Variants in EPHA5 observed in about 807,000 individuals in gnomAD.
EPHA5 encodes the protein ephrin type-A receptor 5.
In EPHA5, 60 loss-of-function variants were observed where a neutral mutation model predicts 105.0. The ratio of observed to expected loss-of-function variants is 0.57; its 90% CI spans 0.46 to 0.71. The LOEUF (loss-of-function observed/expected upper bound fraction) is 0.71, where lower values mean the gene tolerates loss of function less well. Ranked by LOEUF, EPHA5 falls within the 30% of genes least tolerant of loss-of-function variation. The probability of loss-of-function intolerance (pLI) is 0.00; values close to 1 mark genes in which losing one functional copy is unlikely to be tolerated. For missense variants in EPHA5, 1,218 were observed against 1,274.7 expected (o/e 0.96, Z 0.68); for synonymous variants, 513 against 449.1 (o/e 1.14, Z -1.80).
chr4:65,539,745 C>T (rs866476912), intron 3 of EPHA5, among the ~76,000 whole-genome samples: 27 of 151,548 alleles, frequency 1.8e-4, no homozygotes, highest in Non-Finnish European at 7.4e-5. Flanking sequence ...TCAGATAATA[C>T]TGCATTATTT....
At chr4:65,584,310 T>C (rs927956482) in intron 3 of EPHA5, among the ~76,000 whole-genome samples, 8 of 151,930 alleles carry the variant, frequency 5.3e-5, no homozygotes, top group African/African-American at 1.9e-4. Context: ...TATATCTTAA[T>C]TGAAAATGCC....
At chr4:65,372,732 A>AAC (rs1718609084) in intron 8 of EPHA5, among the ~76,000 whole-genome samples, 2 of 151,886 alleles carry the variant, frequency 1.3e-5, no homozygotes, top group Non-Finnish European at 2.9e-5. Flanking sequence ...CCCTATGATT[A>AAC]ATGCCATGTG....
intron 3 of EPHA5, among the ~76,000 whole-genome samples, chr4:65,593,338 T>A (rs561655507): frequency 1.3e-5 from 2 of 152,264 alleles, no homozygotes; most frequent in South Asian, 4.1e-4. Flanking sequence ...ATACAAGGGA[T>A]TAAGATAAAT....
chr4:65,635,844 A>C (rs1747073559), intron 2 of EPHA5, among the ~76,000 whole-genome samples: 1 of 152,178 alleles, frequency 6.6e-6, no homozygotes, highest in Non-Finnish European at 1.5e-5. Flanking sequence ...ATACATTTTT[A>C]GGTTGTGTAC....
At chr4:65,339,115 A>G (rs756874231) in intron 14 of EPHA5, among the ~76,000 whole-genome samples, 183 of 152,290 alleles carry the variant, frequency 1.2e-3, no homozygotes, top group Non-Finnish European at 2.2e-3. Flanking sequence ...GTCTGAACAC[A>G]ATACTGCCTC....
At chr4:65,576,030 G>GAA (rs1449669329) in intron 3 of EPHA5, among the ~76,000 whole-genome samples, 3 of 72,120 alleles carry the variant, frequency 4.2e-5, no homozygotes, top group Non-Finnish European at 5.6e-5. Context: ...AAGAAAGAAA[G>GAA]AAAGAAAGAA....
intron 3 of EPHA5, among the ~76,000 whole-genome samples, chr4:65,510,726 C>T (rs1254745453): frequency 6.6e-6 from 1 of 152,140 alleles, no homozygotes; most frequent in Non-Finnish European, 1.5e-5. Context: ...TGTCTGTCCA[C>T]TTCAATCCAA....
At chr4:65,335,638 T>A (rs185346592) in intron 15 of EPHA5, among the ~76,000 whole-genome samples, 1 of 136,350 alleles carries the variant, frequency 7.3e-6, no homozygotes, top group East Asian at 2.2e-4. Context: ...CCAAAATGCA[T>A]GAAAATACAC....
chr4:65,532,679 T>A (rs957321723), intron 3 of EPHA5, among the ~76,000 whole-genome samples: 5 of 151,076 alleles, frequency 3.3e-5, no homozygotes, highest in African/African-American at 1.2e-4. Context: ...CAGTTTTTTT[T>A]TTTTTTTTTG....
At chr4:65,573,560 T>C in intron 3 of EPHA5, 2 of 1,597,570 alleles carry the variant, frequency 1.3e-6, no homozygotes, top group South Asian at 2.2e-5. Flanking sequence ...ACCTCAAAGC[T>C]AAAAAGCCCA....
chr4:65,552,871 A>G (rs775246360), intron 3 of EPHA5, among the ~76,000 whole-genome samples: 2 of 152,114 alleles, frequency 1.3e-5, no homozygotes, highest in Non-Finnish European at 2.9e-5. Context: ...TTTTTTTAGT[A>G]AATAAGCAAT....
chr4:65,341,150 A>G (rs1721678383), intron 14 of EPHA5, among the ~76,000 whole-genome samples: 1 of 152,146 alleles, frequency 6.6e-6, no homozygotes, highest in Non-Finnish European at 1.5e-5. Flanking sequence ...GGCCTAGATT[A>G]GCCTATGGAT....
intron 3 of EPHA5, among the ~76,000 whole-genome samples, chr4:65,501,696 T>G (rs569826537): frequency 6.6e-6 from 1 of 151,842 alleles, no homozygotes; most frequent in Non-Finnish European, 1.5e-5. Context: ...ATGTACAGAT[T>G]CAATACTATT....
intron 3 of EPHA5, among the ~76,000 whole-genome samples, chr4:65,598,627 G>A (rs945732158): frequency 2.6e-5 from 4 of 152,154 alleles, no homozygotes; most frequent in Non-Finnish European, 5.9e-5. Context: ...ATTGTTTTGT[G>A]ACAAAAGATA....
chr4:65,469,478 T>C (rs986403148), intron 5 of EPHA5, among the ~76,000 whole-genome samples: 2 of 152,096 alleles, frequency 1.3e-5, no homozygotes, highest in Non-Finnish European at 2.9e-5. Flanking sequence ...AAAGTATTAG[T>C]AAAAGGTGAT....
chr4:65,419,505 T>A (rs1267934231), intron 6 of EPHA5, among the ~76,000 whole-genome samples: 2 of 152,162 alleles, frequency 1.3e-5, no homozygotes, highest in South Asian at 4.1e-4. Context: ...CTTGTTCATT[T>A]CTATTCCTAC....
chr4:65,627,034 G>A (rs1167675811), intron 2 of EPHA5, among the ~76,000 whole-genome samples: 1 of 152,050 alleles, frequency 6.6e-6, no homozygotes, highest in East Asian at 1.9e-4. Flanking sequence ...ACTATATATA[G>A]GTTATAATAT....
rs368556077 is a variant in EPHA5, at chr4:65,496,201, TATA to T, written c.911-661_911-659del. On this transcript the variant is annotated intron_variant, in intron 3 of 16. Coordinates refer to ENST00000613740, the MANE Select transcript of EPHA5 (RefSeq NM_001281766.3). ...AGTAAGGCTTATTTACTATACAAAT[TATA>T]ATGATTTCTTAAGTTCAAACATTAT... Among the ~76,000 whole-genome samples the T allele has an allele frequency of 8.8e-3, 1,342 of 152,294 alleles. 31 individuals carry two copies. The highest frequency in any genetic ancestry group is 0.031 in the African/African-American group (1,270 of 41,574).
rs183452793 is a variant in EPHA5 at position 65,397,623 on chromosome 4, C to T, written c.1793+6751G>A. The stretch of plus-strand genomic sequence containing the variant: ...TTTAGATTTCTAGTTTTTTTTTTTC[C>T]TTTTAGCTCCTCTTTGTATAATACT... On this transcript the variant is annotated intron_variant, in intron 8 of 16. Coordinates refer to ENST00000613740, the MANE Select transcript of EPHA5 (RefSeq NM_001281766.3). Among the ~76,000 whole-genome samples, 524 of 148,760 alleles carry T rather than the reference C, an allele frequency of 3.5e-3. 2 individuals carry two copies. The highest frequency in any genetic ancestry group is 5.8e-3 in the Admixed American group (87 of 15,036).
Sources: allele counts gnomAD v4.1 joint callset (sites outside exome capture counted in the v4.1 genomes callset), GRCh38; gene constraint gnomAD v4.1.1; transcripts MANE v1.5; gene names NCBI Gene and HGNC (gene_info 2026-07-23, HGNC 2026-07-21).